The following IGSF9B variants were observed in gnomAD, a reference collection of about 807,000 sequenced individuals.
IGSF9B encodes protein turtle homolog B.
IGSF9B carries 48 observed loss-of-function variants against 143.7 expected under a neutral mutation model. The ratio of observed to expected loss-of-function variants is 0.33; its 90% CI spans 0.26 to 0.42. The LOEUF is 0.42. Ranked by LOEUF, IGSF9B falls within the 20% of genes least tolerant of loss-of-function variation. IGSF9B has a pLI of 1.00. For synonymous variants in IGSF9B, 903 were observed against 833.1 expected, an observed-to-expected ratio of 1.08 and a Z score of -1.44; for missense variants, 1,706 against 1,980.0, an observed-to-expected ratio of 0.86 and a Z score of 2.63.
In IGSF9B at chr11:133,928,115, CA is replaced by C. The variant is rs1565432470; in HGVS notation, c.1632-1025del. Among the ~76,000 whole-genome samples the C allele has an allele frequency of 6.6e-6, 1 of 151,584 alleles. No homozygotes were observed. Among genetic ancestry groups the C allele is most frequent in the African/African-American group, 2.4e-5 (1 of 41,214 alleles). On this transcript the variant is annotated intron_variant, in intron 12 of 19. Transcript: ENST00000533871. The surrounding 1 kb of genome is among the most constrained non-coding windows in gnomAD (Gnocchi z 4.7). ...GGAGCAGCAGCGTGAAGCAGCACCG[CA>C]AGCAGCAGGGGAGCCCCAATCTACA...
Position 133,937,674 on chromosome 11 carries a change from G to A in IGSF9B, c.561+136C>T, listed in dbSNP as rs148522578. ...TCCCGCCAGCGACACAGAGACGCCT[G>A]CAGCTGAGCCAGGCTACGGCTTTCC... is the stretch of plus-strand genomic sequence containing the variant. On this transcript the variant is annotated intron_variant, in intron 4 of 19. Coordinates refer to ENST00000533871, the MANE Select transcript of IGSF9B (RefSeq NM_001277285.4). The A allele has an allele frequency of 3.0e-3, 3,526 of 1,188,752 alleles. 22 individuals carry two copies. In the Middle Eastern group the frequency reaches 0.032, roughly 11 times the overall value. The allele number at this position is 1,188,752 out of a possible 1,614,324, so 73.6% of individuals were successfully genotyped here.
At position 133,932,229 on chromosome 11, in the gene IGSF9B, G is replaced by C. The variant is rs760141102; in HGVS notation, c.968-16C>G. ...CGCGCTGGGTCTGCATAGAGGAAGC[G>C]CAGGTGAGAGAGCAGACAGACAGAC... is the stretch of plus-strand genomic sequence containing the variant. On this transcript the variant is annotated splice_polypyrimidine_tract_variant and intron_variant, in intron 7 of 19. Coordinates refer to ENST00000533871, the MANE Select transcript of IGSF9B (RefSeq NM_001277285.4). 5 of 1,547,040 alleles carry C rather than the reference G, an allele frequency of 3.2e-6. No homozygotes were observed. Among genetic ancestry groups the C allele is most frequent in the East Asian group, 2.4e-5 (1 of 40,884 alleles).
Position 133,905,885 on chromosome 11 carries a change from G to A in IGSF9B, c.*3184C>T, listed in dbSNP as rs372323237. ...AAGACAGGCTTCGCCTCTCTGCCTCGTCGTACATCTTCTCTCCCCACGCAA... is the reference window on the plus strand; with the variant it reads ...AAGACAGGCTTCGCCTCTCTGCCTCATCGTACATCTTCTCTCCCCACGCAA... On this transcript the variant is annotated 3_prime_UTR_variant, in exon 20 of 20. Transcript: ENST00000533871. This position sits in a 1 kb window ranked among gnomAD's most constrained non-coding sequence, Gnocchi z 4.0. Among the ~76,000 whole-genome samples the A allele has an allele frequency of 8.5e-5, 13 of 152,178 alleles. No individual in the cohort carries two copies. Among genetic ancestry groups the A allele is most frequent in the Non-Finnish European group, 1.5e-4 (10 of 68,036 alleles).
At chr11:133,914,341 C>T (rs1830341138) in intron 18 of IGSF9B, among the ~76,000 whole-genome samples, 1 of 152,142 alleles carries the variant, frequency 6.6e-6, no homozygotes, top group Non-Finnish European at 1.5e-5. Context: ...CCAGCGTCTT[C>T]CCAATCCACA....
chr11:133,944,406 G>A (rs757519264), intron 2 of IGSF9B, 40 bp from the exon 3 acceptor site: 1 of 1,607,252 alleles, frequency 6.2e-7, no homozygotes, highest in Non-Finnish European at 8.5e-7. Context: ...CAGGCCATCA[G>A]GTAAGGACAG....
chr11:133,923,116 G>C (rs1312709611), intron 15 of IGSF9B, among the ~76,000 whole-genome samples: 2 of 152,192 alleles, frequency 1.3e-5, no homozygotes, highest in African/African-American at 4.8e-5. Context: ...TTCTCTAAAT[G>C]AAAGAGCTCT....
chr11:133,920,028 C>T lies in IGSF9B; in HGVS notation c.3697G>A (p.Glu1233Lys). 6.3e-7 allele frequency: 1 copy of T among 1,581,142 alleles called. No homozygotes were observed. The highest frequency in any genetic ancestry group is 8.6e-7 in the Non-Finnish European group (1 of 1,164,024). Residue 1233 changes from glutamate to lysine, a missense_variant, in exon 18 of 20, where the codon GAG becomes AAG. Glu to Lys is a moderately conservative substitution (Grantham distance 56). Around this residue, in one of 7 missense-constraint regions of IGSF9B, gnomAD observed 880 missense variants for 762.9 expected, o/e 1.15. Transcript: ENST00000533871. Reference sequence around the variant, plus strand: ...GGCTGCAGGGTGATCTCTGACATCTCTGCCTGCTGCAGGAGGCCCGGGCGA... The same window carrying T: ...GGCTGCAGGGTGATCTCTGACATCTTTGCCTGCTGCAGGAGGCCCGGGCGA... The part of the protein sequence containing the change: ...RPRPGLLQQA[E>K]MSEITLQPPA...
Position 133,920,784 on chromosome 11 carries a change from G to T in IGSF9B, c.2941C>A (p.Pro981Thr). Residue 981 changes from proline (P) to threonine (T), a missense_variant, in exon 18 of 20, where the codon CCC becomes ACC. Around this residue, in one of 7 missense-constraint regions of IGSF9B, gnomAD observed 880 missense variants for 762.9 expected, o/e 1.15. Transcript: ENST00000533871. The stretch of plus-strand genomic sequence containing the variant: ...CCCACTTCTGGCACGTAGAACGGGG[G>T]CGGCTCCACCTCCCCAGGGCTGCTG... ...SSSSPGEVEP[P>T]PFYVPEVGSP... The T allele has an allele frequency of 1.2e-6, 2 of 1,610,398 alleles. No individual in the cohort carries two copies. Among genetic ancestry groups the T allele is most frequent in the Non-Finnish European group, 1.7e-6 (2 of 1,178,534 alleles).
At position 133,931,396 on chromosome 11, in the gene IGSF9B, A is replaced by T; in HGVS notation, c.1368+57T>A. The T allele has an allele frequency of 2.3e-6, 3 of 1,290,256 alleles. No individual in the cohort carries two copies. The highest frequency in any genetic ancestry group is 3.3e-6 in the Non-Finnish European group (3 of 906,076). The allele number at this position is 1,290,256 out of a possible 1,614,324, so 79.9% of individuals were successfully genotyped here. On this transcript the variant is annotated intron_variant, in intron 10 of 19. Transcript: ENST00000533871. This position sits in a 1 kb window ranked among gnomAD's most constrained non-coding sequence, Gnocchi z 7.7. ...GGCCCTCAAACCTCCCCGCAGCCCC[A>T]GGGCTCCCTGGGCCCTCACACCTCC...
chr11:133,932,257 A>G (rs1437627460), intron 7 of IGSF9B, 44 bp from the exon 8 acceptor site: 4 of 1,485,916 alleles, frequency 2.7e-6, no homozygotes, highest in Non-Finnish European at 2.7e-6. Context: ...AGACAGACAC[A>G]GGGACAGACA....
chr11:133,955,705 G>A (rs1940238154), intron 1 of IGSF9B, among the ~76,000 whole-genome samples: 1 of 152,232 alleles, frequency 6.6e-6, no homozygotes, highest in African/African-American at 2.4e-5. Context: ...AGGGCCGAGA[G>A]CCGGGGGTGC....
Position 133,926,003 on chromosome 11 carries a change from C to T in IGSF9B, c.1808-38G>A, listed in dbSNP as rs768261592. On this transcript the variant is annotated intron_variant, in intron 13 of 19. Transcript: ENST00000533871. The stretch of plus-strand genomic sequence containing the variant: ...AAGGAGAAGAACCACAGCGCATCAG[C>T]GAGGCCCAGGGCAGCCACCGCACCC... 6.1e-5 allele frequency: 89 copies of T among 1,469,796 alleles called. 1 individual carries two copies. The Admixed American group carries it at 1.2e-3, about 20-fold the overall frequency. 91.0% of individuals were successfully genotyped at this position (1,469,796 alleles called of 1,614,324 possible).
At position 133,903,189 on chromosome 11, in the gene IGSF9B, G is replaced by A. The variant is rs1288690804; in HGVS notation, c.*5880C>T. The stretch of plus-strand genomic sequence containing the variant: ...TGCCCTAGTTCGCAAAATAAATCCA[G>A]GAAATCCAGTGCCACAGAGAGGTAG... On this transcript the variant is annotated 3_prime_UTR_variant, in exon 20 of 20. Coordinates refer to ENST00000533871, the MANE Select transcript of IGSF9B (RefSeq NM_001277285.4). Among the ~76,000 whole-genome samples, 1 of 152,070 alleles carries A rather than the reference G, an allele frequency of 6.6e-6. No homozygotes were observed. The highest frequency in any genetic ancestry group is 1.5e-5 in the Non-Finnish European group (1 of 68,026).
chr11:133,954,263 T>G (rs942369589), intron 1 of IGSF9B, among the ~76,000 whole-genome samples: 10 of 152,154 alleles, frequency 6.6e-5, no homozygotes, highest in African/African-American at 2.4e-4. Context: ...CATAAACCTC[T>G]GGCCACCAAC....
In IGSF9B at chr11:133,902,293, CACAT is replaced by C. The variant is rs1378125506; in HGVS notation, c.*6772_*6775del. ...ACACACACACACACCAGACACATCACACATACACGCACACCACAGATACACACAC... is the reference window on the plus strand; with the variant it reads ...ACACACACACACACCAGACACATCACACACGCACACCACAGATACACACAC... On this transcript the variant is annotated 3_prime_UTR_variant, in exon 20 of 20. Transcript: ENST00000533871. 5.4e-5 allele frequency among the ~76,000 whole-genome samples: 8 copies of C among 148,240 alleles called. No homozygotes were observed. The South Asian group carries it at 1.1e-3, about 20-fold the overall frequency.
rs751924626 is a variant in IGSF9B at position 133,921,070 on chromosome 11, C to T, written c.2655G>A (p.Met885Ile). 2.2e-5 allele frequency: 36 copies of T among 1,613,808 alleles called. No homozygotes were observed. The South Asian group carries it at 3.8e-4, about 17-fold the overall frequency. The change falls in exon 18 of 20, where the codon ATG becomes ATA. Residue 885 changes from methionine (M) to isoleucine (I), a missense_variant. By Grantham distance (10) the Met-to-Ile change is conservative. Around this residue, in one of 7 missense-constraint regions of IGSF9B, gnomAD observed 880 missense variants for 762.9 expected, o/e 1.15. Coordinates refer to ENST00000533871, the MANE Select transcript of IGSF9B (RefSeq NM_001277285.4). ...CGTCCGACTGGCGGAACTCGGGGTACATGTCCGTCTCCTCGGCGAAGGGGA... is the reference window on the plus strand; with the variant it reads ...CGTCCGACTGGCGGAACTCGGGGTATATGTCCGTCTCCTCGGCGAAGGGGA... ...EGFPFAEETDMYPEFRQSDEE... is the reference protein window; with the variant it reads ...EGFPFAEETDIYPEFRQSDEE...
In IGSF9B at chr11:133,946,153, G is replaced by A. The variant is rs1940046759; in HGVS notation, c.170C>T (p.Pro57Leu). ...VIHPVTGQPP[P>L]YVVEWFKFGV... Reference sequence around the variant, plus strand: ...GAACTTGAACCACTCTACGACATAGGGTGGGGGCTGTCCCGTCACTGGGTG... The same window carrying A: ...GAACTTGAACCACTCTACGACATAGAGTGGGGGCTGTCCCGTCACTGGGTG... Residue 57 changes from proline to leucine, a missense_variant, in exon 2 of 20, where the codon CCC (proline) becomes CTC (leucine). By Grantham distance (98) the Pro-to-Leu change is moderately conservative (BLOSUM62 -3). This residue lies in a region of IGSF9B where 171 missense variants were observed against 213.9 expected (regional missense o/e 0.80). Transcript: ENST00000533871. 1.2e-6 allele frequency: 2 copies of A among 1,612,664 alleles called. No homozygotes were observed. Among genetic ancestry groups the A allele is most frequent in the Non-Finnish European group, 1.7e-6 (2 of 1,179,308 alleles).
rs538659920 is a variant in IGSF9B at position 133,906,001 on chromosome 11, T to C, written c.*3068A>G. On this transcript the variant is annotated 3_prime_UTR_variant, in exon 20 of 20. Coordinates refer to ENST00000533871, the MANE Select transcript of IGSF9B (RefSeq NM_001277285.4). ...CTACAACAGCCACAGTTCTCAGCCA[T>C]GATGCTGAAGAGGCAGACAGACATC... 1.6e-4 allele frequency among the ~76,000 whole-genome samples: 25 copies of C among 152,094 alleles called. No individual in the cohort carries two copies. The highest frequency in any genetic ancestry group is 1.2e-3 in the South Asian group (6 of 4,826).
chr11:133,946,848 AGCTCAGCCGAGGCTGCTCGTG>A (rs934480497), intron 1 of IGSF9B, among the ~76,000 whole-genome samples: 1 of 152,156 alleles, frequency 6.6e-6, no homozygotes, highest in Non-Finnish European at 1.5e-5. Flanking sequence ...ATCCCTAACA[AGCTCAGCCGAGGCTGCTCGTG>A]GCAACACCAG....
Sources: gnomAD v4.1 joint callset for allele counts (sites outside exome capture counted in the v4.1 genomes callset) on GRCh38, gnomAD v4.1.1 for gene constraint, gnomAD v4.1.1 regional missense constraint, Gnocchi (gnomAD v3.1) non-coding constraint, MANE v1.5 for transcripts, NCBI Gene and HGNC (gene_info 2026-07-23, HGNC 2026-07-21) for gene names.